The following CSTPP1 variants were observed in gnomAD, a reference collection of about 807,000 sequenced individuals.
CSTPP1 encodes UPF0705 protein C11orf49.
the CSTPP1 span, among the ~76,000 whole-genome samples, chr11:46,974,868 ACACACACACAC>A: frequency 9.3e-5 from 1 of 10,806 alleles, no homozygotes; most frequent in Non-Finnish European, 2.7e-4. Flanking sequence ...ACACACACAC[ACACACACACAC>A]ACACACACAC....
chr11:47,128,296 G>A, the CSTPP1 span, among the ~76,000 whole-genome samples: 9 of 152,258 alleles, frequency 5.9e-5, no homozygotes, highest in Middle Eastern at 3.4e-3. Context: ...TCGACTTCTC[G>A]TCTGGGTGAG....
At chr11:46,938,040 A>G in the CSTPP1 span, among the ~76,000 whole-genome samples, 1 of 151,202 alleles carries the variant, frequency 6.6e-6, no homozygotes, top group Non-Finnish European at 1.5e-5. Context: ...ACGCCAGGTT[A>G]ATTTTATATT....
chr11:47,151,327 C>T, the CSTPP1 span, among the ~76,000 whole-genome samples: 3 of 151,666 alleles, frequency 2.0e-5, no homozygotes, highest in East Asian at 5.8e-4. Context: ...GCAGGAGAAT[C>T]GCTTGAACCT....
the CSTPP1 span, among the ~76,000 whole-genome samples, chr11:47,066,839 T>A: frequency 6.5e-3 from 987 of 152,366 alleles, 5 homozygotes; most frequent in Non-Finnish European, 9.9e-3. Context: ...TTGTTGTTAT[T>A]AACCTTTCTT....
At chr11:47,058,219 T>C in the CSTPP1 span, among the ~76,000 whole-genome samples, 292 of 152,234 alleles carry the variant, frequency 1.9e-3, 2 homozygotes, top group African/African-American at 6.6e-3. Flanking sequence ...TCCCAGCTAC[T>C]CTAATGGCTG....
the CSTPP1 span, among the ~76,000 whole-genome samples, chr11:47,113,974 G>GT: frequency 6.6e-6 from 1 of 152,138 alleles, no homozygotes; most frequent in Non-Finnish European, 1.5e-5. Context: ...GGTTTTTATG[G>GT]TTTTAGGTCG....
chr11:47,088,154 C>G, the CSTPP1 span, among the ~76,000 whole-genome samples: 1 of 152,126 alleles, frequency 6.6e-6, no homozygotes, highest in African/African-American at 2.4e-5. Context: ...AAGTTTAGCT[C>G]ATATTCAAGG....
At chr11:47,155,310 T>C in the CSTPP1 span, 10 of 1,469,704 alleles carry the variant, frequency 6.8e-6, no homozygotes, top group Admixed American at 8.4e-5. Context: ...CCTGTCTCCC[T>C]GTCCTGCCCT....
At chr11:47,002,825 C>T in the CSTPP1 span, among the ~76,000 whole-genome samples, 19 of 152,078 alleles carry the variant, frequency 1.2e-4, no homozygotes, top group Non-Finnish European at 2.4e-4. Context: ...AAATATCTCC[C>T]CTTAGATAAA....
At chr11:47,071,622 T>C in the CSTPP1 span, among the ~76,000 whole-genome samples, 1 of 152,192 alleles carries the variant, frequency 6.6e-6, no homozygotes, top group South Asian at 2.1e-4. Flanking sequence ...GTGAATAAAA[T>C]AATGAATGCC....
chr11:47,080,668 C>T, the CSTPP1 span, among the ~76,000 whole-genome samples: 1 of 152,084 alleles, frequency 6.6e-6, no homozygotes, highest in African/African-American at 2.4e-5. Context: ...CATTATGCTT[C>T]AGCAAGGTAG....
At chr11:47,086,253 A>AAAAAAAAAAAAAC in the CSTPP1 span, among the ~76,000 whole-genome samples, 1 of 147,918 alleles carries the variant, frequency 6.8e-6, no homozygotes. Flanking sequence ...AAAAAAAAAA[A>AAAAAAAAAAAAAC]AAAATAGCTG....
chr11:46,941,680 C>T, the CSTPP1 span, among the ~76,000 whole-genome samples: 1 of 152,174 alleles, frequency 6.6e-6, no homozygotes, highest in Admixed American at 6.6e-5. Context: ...TAAAACCACT[C>T]CCTACAGAAT....
the CSTPP1 span, among the ~76,000 whole-genome samples, chr11:47,086,232 TCCAAAAAAAAA>T: frequency 3.1e-5 from 1 of 31,768 alleles, no homozygotes; most frequent in Non-Finnish European, 6.7e-5. Flanking sequence ...CTACTAAAAA[TCCAAAAAAAAA>T]AAAAAAAAAA....
the CSTPP1 span, among the ~76,000 whole-genome samples, chr11:47,142,997 A>AT: frequency 2.6e-5 from 4 of 152,164 alleles, no homozygotes; most frequent in Non-Finnish European, 5.9e-5. Flanking sequence ...AATTATGGGA[A>AT]TGGCAGTAAC....
chr11:46,964,570 C>A, the CSTPP1 span, among the ~76,000 whole-genome samples: 1 of 152,196 alleles, frequency 6.6e-6, no homozygotes. Context: ...CAGGCGTGAG[C>A]CACCGCGCCT....
the CSTPP1 span, among the ~76,000 whole-genome samples, chr11:46,983,963 T>C: frequency 1.3e-5 from 2 of 152,176 alleles, no homozygotes; most frequent in Non-Finnish European, 2.9e-5. Context: ...TAGGAATGGA[T>C]GGGATGGTTC....
the CSTPP1 span, among the ~76,000 whole-genome samples, chr11:47,043,771 C>A: frequency 6.6e-6 from 1 of 151,226 alleles, no homozygotes; most frequent in African/African-American, 2.4e-5. Context: ...GTGGGTGGAT[C>A]ACTTGAGCCC....
chr11:47,005,322 A>C, the CSTPP1 span, among the ~76,000 whole-genome samples: 1 of 152,316 alleles, frequency 6.6e-6, no homozygotes, highest in South Asian at 2.1e-4. Context: ...AAAAATATTA[A>C]GTATTGTTAT....
Sources: gnomAD v4.1 joint callset for allele counts (sites outside exome capture counted in the v4.1 genomes callset) on GRCh38, gnomAD v4.1.1 for gene constraint, MANE v1.5 for transcripts, NCBI Gene and HGNC (gene_info 2026-07-23, HGNC 2026-07-21) for gene names.